Variants in TNS1 observed in about 807,000 individuals in gnomAD.
TNS1 encodes tensin 1, also known as tensin-1.
A neutral mutation model predicts 168.6 loss-of-function variants in TNS1; 62 were observed. That is an observed-to-expected ratio of 0.37 (90% CI 0.30 to 0.45). The LOEUF (loss-of-function observed/expected upper bound fraction) is 0.45, where lower values mean the gene tolerates loss of function less well. Ranked by LOEUF, TNS1 falls within the 20% of genes least tolerant of loss-of-function variation. The probability of loss-of-function intolerance (pLI) is 1.00; values close to 1 mark genes in which losing one functional copy is unlikely to be tolerated. For synonymous variants in TNS1, 934 were observed against 933.2 expected (o/e 1.00, Z -0.02); for missense variants, 2,240 against 2,339.4 (o/e 0.96, Z 0.88).
chr2:218,009,683 G>T (rs1399309982), intron 1 of TNS1, among the ~76,000 whole-genome samples: 1 of 152,192 alleles, frequency 6.6e-6, no homozygotes, highest in African/African-American at 2.4e-5. Context: ...TAACTCGGTG[G>T]CTTCTGGGGA....
chr2:217,850,138 T>C (rs1947262943), intron 18 of TNS1: 3 of 985,128 alleles, frequency 3.0e-6, no homozygotes, highest in Middle Eastern at 5.2e-4. Flanking sequence ...TGGGAAGGTA[T>C]GCCGGGCAGG....
intron 18 of TNS1, among the ~76,000 whole-genome samples, chr2:217,879,106 C>T (rs967525714): frequency 1.3e-5 from 2 of 152,238 alleles, no homozygotes; most frequent in African/African-American, 4.8e-5. Flanking sequence ...GCCTCCCACT[C>T]TGACCGTCTG....
At chr2:217,809,785 A>G (rs753064593) in intron 30 of TNS1, 38 bp downstream of exon 30, 1 of 1,592,928 alleles carries the variant, frequency 6.3e-7, no homozygotes, top group Non-Finnish European at 8.6e-7. Flanking sequence ...AGTCACAGGA[A>G]GGAGAACCCC....
At chr2:217,930,607 C>T (rs1183327374) in intron 3 of TNS1, among the ~76,000 whole-genome samples, 2 of 152,116 alleles carry the variant, frequency 1.3e-5, no homozygotes, top group Non-Finnish European at 2.9e-5. Context: ...GCCCGAGAGT[C>T]CAGCCTGGAA....
chr2:217,849,000 G>T lies in TNS1; in HGVS notation c.1517C>A (p.Ala506Asp), dbSNP rs1947098308. ...CAGTGTAGGACGTGTGGCATTAACAGCCCCGGTGCTGCCGTGCAGGGAGTC... is the reference window on the plus strand; with the variant it reads ...CAGTGTAGGACGTGTGGCATTAACATCCCCGGTGCTGCCGTGCAGGGAGTC... ...KKDSLHGSTG[A>D]VNATRPTLSA... Residue 506 changes from alanine to aspartate, a missense_variant, in exon 19 of 33, where the codon GCT (alanine) becomes GAT (aspartate). By Grantham distance (126) the Ala-to-Asp change is moderately radical. Around this residue, in one of 2 missense-constraint regions of TNS1, gnomAD observed 2,131 missense variants for 2,171.2 expected, o/e 0.98. Transcript: ENST00000682258. 1.9e-6 allele frequency: 3 copies of T among 1,613,960 alleles called. No homozygotes were observed. Among genetic ancestry groups the T allele is most frequent in the Non-Finnish European group, 1.7e-6 (2 of 1,180,018 alleles).
In TNS1 at chr2:217,818,133, C is replaced by T. The variant is rs767087568; in HGVS notation, c.4199G>A (p.Gly1400Glu). ...GLHSNAIASP[G>E]SPSLGRHLGG... ...GAGGTGACGGCCCAGGCTGGGGCTT[C>T]CAGGGCTGGCTATTGCATTGCTATG... is the stretch of plus-strand genomic sequence containing the variant. Residue 1400 changes from glycine to glutamate, a missense_variant, in exon 24 of 33, where the codon GGA becomes GAA. This residue lies in a region of TNS1 where 2,131 missense variants were observed against 2,171.2 expected (regional missense o/e 0.98). Transcript: ENST00000682258. 1 of 1,614,012 alleles carries T rather than the reference C, an allele frequency of 6.2e-7. No individual in the cohort carries two copies. The highest frequency in any genetic ancestry group is 1.1e-5 in the South Asian group (1 of 91,028).
At position 217,916,593 on chromosome 2, in the gene TNS1, C is replaced by A. The variant is rs543834897; in HGVS notation, c.228+3602G>T. On this transcript the variant is annotated intron_variant, in intron 4 of 32. Coordinates refer to ENST00000682258, the MANE Select transcript of TNS1 (RefSeq NM_001387777.1). ...AGCCCTCTTGCCTCTCCATCCTGCCCCACCAGTGCCCCACAGGAGGGTGGT... is the reference window on the plus strand; with the variant it reads ...AGCCCTCTTGCCTCTCCATCCTGCCACACCAGTGCCCCACAGGAGGGTGGT... Among the ~76,000 whole-genome samples the A allele has an allele frequency of 9.1e-4, 138 of 151,968 alleles. 1 individual carries two copies. The South Asian group carries it at 0.017, about 19-fold the overall frequency.
rs146943559 is a variant in TNS1, at chr2:217,847,516, C to T, written c.3001G>A (p.Val1001Ile). 8.2e-6 allele frequency: 12 copies of T among 1,465,804 alleles called. No individual in the cohort carries two copies. The South Asian group carries it at 1.6e-4, about 20-fold the overall frequency. 90.8% of individuals were successfully genotyped at this position (1,465,804 alleles called of 1,614,324 possible). ...LNLEGLVAHR[V>I]AGVQAREKQP... is the part of the protein sequence containing the mutation. ...AGGACTGAATACCTCTTACCTGCTACCCTGTGGGCCACCAGCCCTTCTAAA... is the reference window on the plus strand; with the variant it reads ...AGGACTGAATACCTCTTACCTGCTATCCTGTGGGCCACCAGCCCTTCTAAA... The change falls in exon 19 of 33, where the codon GTA becomes ATA. Residue 1001 changes from valine (V) to isoleucine (I), a missense_variant. By Grantham distance (29) the Val-to-Ile change is conservative. This residue lies in a region of TNS1 where 2,131 missense variants were observed against 2,171.2 expected (regional missense o/e 0.98). Coordinates refer to ENST00000682258, the MANE Select transcript of TNS1 (RefSeq NM_001387777.1).
At chr2:217,918,389 A>T (rs950133974) in intron 4 of TNS1, among the ~76,000 whole-genome samples, 1 of 152,162 alleles carries the variant, frequency 6.6e-6, no homozygotes. Context: ...CTCTGGGAGC[A>T]CCGTCTGGTG....
chr2:217,941,092 C>T (rs1478101706), intron 3 of TNS1, among the ~76,000 whole-genome samples: 1 of 152,194 alleles, frequency 6.6e-6, no homozygotes, highest in African/African-American at 2.4e-5. Flanking sequence ...AATGTGGAAA[C>T]TGAGGCTCAT....
intron 1 of TNS1, among the ~76,000 whole-genome samples, chr2:218,018,405 A>T (rs942954133): frequency 4.0e-5 from 6 of 151,786 alleles, no homozygotes; most frequent in African/African-American, 1.4e-4. Flanking sequence ...GCAAGAAAAC[A>T]GGCTGGCCCT....
At chr2:217,849,138 G>A (rs2125442929) in intron 18 of TNS1, 51 bp from the exon 19 acceptor site, 1 of 1,563,182 alleles carries the variant, frequency 6.4e-7, no homozygotes, top group Non-Finnish European at 8.7e-7. Context: ...ACATTAGCGG[G>A]AGGCAGGGGT....
At chr2:217,856,832 C>T (rs1948194643) in intron 18 of TNS1, among the ~76,000 whole-genome samples, 1 of 152,124 alleles carries the variant, frequency 6.6e-6, no homozygotes, top group South Asian at 2.1e-4. Flanking sequence ...ATAGCACACA[C>T]CTTCAGAAAG....
chr2:217,867,996 T>C (rs1949431387), intron 18 of TNS1, among the ~76,000 whole-genome samples: 1 of 152,270 alleles, frequency 6.6e-6, no homozygotes, highest in African/African-American at 2.4e-5. Flanking sequence ...TGTTATTGTC[T>C]GCCTCCACTA....
Position 217,885,113 on chromosome 2 carries a change from G to T in TNS1, c.1168C>A (p.Arg390Ser). ...FRSPARDVIFRVQFHTCAIHD... is the reference protein window; with the variant it reads ...FRSPARDVIFSVQFHTCAIHD... Reference sequence around the variant, plus strand: ...ATGGCACAGGTGTGGAACTGCACACGGAAGATGACGTCTCGGGCTGGGCTT... The same window carrying T: ...ATGGCACAGGTGTGGAACTGCACACTGAAGATGACGTCTCGGGCTGGGCTT... Residue 390 changes from arginine to serine, a missense_variant, in exon 16 of 33, where the codon CGT (arginine) becomes AGT (serine). Arg to Ser is a moderately radical substitution (Grantham distance 110, BLOSUM62 -1). This residue lies in a region of TNS1 where 2,131 missense variants were observed against 2,171.2 expected (regional missense o/e 0.98). Coordinates refer to ENST00000682258, the MANE Select transcript of TNS1 (RefSeq NM_001387777.1). 6.2e-7 allele frequency: 1 copy of T among 1,614,212 alleles called. No individual in the cohort carries two copies. Among genetic ancestry groups the T allele is most frequent in the South Asian group, 1.1e-5 (1 of 91,080 alleles).
At chr2:217,936,397 A>T (rs1404761997) in intron 3 of TNS1, among the ~76,000 whole-genome samples, 1 of 151,988 alleles carries the variant, frequency 6.6e-6, no homozygotes, top group Non-Finnish European at 1.5e-5. Context: ...GGCCTGAAAG[A>T]TCTCCCAGGA....
chr2:217,867,800 C>T (rs891119375), intron 18 of TNS1, among the ~76,000 whole-genome samples: 3 of 152,238 alleles, frequency 2.0e-5, no homozygotes, highest in Non-Finnish European at 2.9e-5. Flanking sequence ...GCTTCTGTGC[C>T]TCTTTCAAGT....
At chr2:217,857,288 C>T (rs1053552440) in intron 18 of TNS1, among the ~76,000 whole-genome samples, 5 of 152,110 alleles carry the variant, frequency 3.3e-5, no homozygotes, top group Admixed American at 6.5e-5. Context: ...AATCCCCCTG[C>T]CCACCCCTCA....
intron 24 of TNS1, among the ~76,000 whole-genome samples, chr2:217,816,456 C>T (rs2552524): frequency 0.061 from 9,317 of 152,110 alleles, 962 homozygotes; most frequent in African/African-American, 0.21. Context: ...TGTCTCCGGG[C>T]GAGTGTGAGG....
Sources: allele counts gnomAD v4.1 joint callset (sites outside exome capture counted in the v4.1 genomes callset), GRCh38; gene constraint gnomAD v4.1.1; regional missense constraint gnomAD v4.1.1; transcripts MANE v1.5; gene names NCBI Gene and HGNC (gene_info 2026-07-23, HGNC 2026-07-21).